TOX2: variants seen among roughly 807,000 people sequenced by gnomAD.
The protein encoded by TOX2 is granulosa cell HMG box 1.
Under a neutral mutation model 47.4 loss-of-function variants are expected in TOX2, and 15 were observed. The observed-to-expected ratio is 0.32, with a 90% CI of 0.21 to 0.49. The LOEUF (loss-of-function observed/expected upper bound fraction) is 0.49, where lower values mean the gene tolerates loss of function less well. TOX2 is among the 20% of genes least tolerant of loss of function. The pLI, the probability that TOX2 is intolerant of heterozygous loss-of-function variation, is 0.99. For synonymous variants in TOX2, 290 were observed against 296.6 expected, an observed-to-expected ratio of 0.98 and a Z score of 0.23; for missense variants, 622 against 673.1, an observed-to-expected ratio of 0.92 and a Z score of 0.84.
chr20:44,035,960 C>T (rs570108043), intron 3 of TOX2, among the ~76,000 whole-genome samples: 2 of 152,352 alleles, frequency 1.3e-5, no homozygotes, highest in South Asian at 2.1e-4. Flanking sequence ...TGCTAGGATG[C>T]GCCTTCTGAG....
intron 3 of TOX2, among the ~76,000 whole-genome samples, chr20:44,021,457 C>T (rs1399310250): frequency 6.6e-6 from 1 of 152,154 alleles, no homozygotes; most frequent in African/African-American, 2.4e-5. Context: ...TCCTCTTCTC[C>T]TTTGGGAGCC....
intron 2 of TOX2, among the ~76,000 whole-genome samples, chr20:44,000,672 T>A (rs138486897): frequency 2.0e-4 from 30 of 151,928 alleles, no homozygotes; most frequent in African/African-American, 7.0e-4. Flanking sequence ...GGAGTGAGTG[T>A]GTTTAGAGGA....
chr20:43,975,446 A>G (rs746202637), intron 2 of TOX2, among the ~76,000 whole-genome samples: 25 of 152,262 alleles, frequency 1.6e-4, no homozygotes, highest in Admixed American at 4.6e-4. Flanking sequence ...TGTTCAGTCA[A>G]TTTTATAGAT....
chr20:43,935,023 C>G (rs2069306671), intron 1 of TOX2, among the ~76,000 whole-genome samples: 1 of 152,138 alleles, frequency 6.6e-6, no homozygotes, highest in Admixed American at 6.5e-5. Flanking sequence ...AGCTGGGTGT[C>G]TGGCCACTGT....
chr20:44,009,013 T>C (rs1472580691), intron 3 of TOX2, among the ~76,000 whole-genome samples: 1 of 151,798 alleles, frequency 6.6e-6, no homozygotes. Context: ...TTTTGTCAGC[T>C]TGAGTCACAC....
intron 2 of TOX2, among the ~76,000 whole-genome samples, chr20:43,988,508 TG>T (rs150355401): frequency 1.8e-3 from 272 of 152,352 alleles, no homozygotes; most frequent in African/African-American, 6.0e-3. Context: ...TGCAGTGAAA[TG>T]GAGATAATAA....
intron 1 of TOX2, among the ~76,000 whole-genome samples, chr20:43,971,256 G>A (rs1026305334): frequency 6.6e-6 from 1 of 152,208 alleles, no homozygotes; most frequent in African/African-American, 2.4e-5. Flanking sequence ...ATCCCTGGGA[G>A]CCTCCATTTT....
In TOX2 at chr20:43,955,174, A is replaced by G. The variant is rs2069646366; in HGVS notation, c.100-18193A>G. ...TGTTGCCTGAGGCTCCACTGAAGCT[A>G]TGGCATAATTTGCAGAATTTGCACT... On this transcript the variant is annotated intron_variant, in intron 1 of 8. Transcript: ENST00000341197. 4 of 911,564 alleles carry G rather than the reference A, an allele frequency of 4.4e-6. No individual in the cohort carries two copies. In the African/African-American group the frequency reaches 5.4e-5, roughly 12 times the overall value. 56.5% of individuals were successfully genotyped at this position (911,564 alleles called of 1,614,324 possible).
intron 2 of TOX2, among the ~76,000 whole-genome samples, chr20:43,979,625 C>A (rs565192710): frequency 3.9e-5 from 6 of 152,220 alleles, no homozygotes; most frequent in African/African-American, 1.4e-4. Flanking sequence ...TATTTGCAAA[C>A]TACCTGATGA....
At chr20:43,986,207 C>T (rs1372961335) in intron 2 of TOX2, among the ~76,000 whole-genome samples, 1 of 151,892 alleles carries the variant, frequency 6.6e-6, no homozygotes, top group African/African-American at 2.4e-5. Flanking sequence ...CAATGGTTGG[C>T]AATTGCAACA....
intron 1 of TOX2, among the ~76,000 whole-genome samples, chr20:43,919,591 G>A (rs773021773): frequency 2.0e-5 from 3 of 152,124 alleles, no homozygotes; most frequent in African/African-American, 2.4e-5. Context: ...TGCCATGGTG[G>A]TTTGCTACAC....
At position 43,914,934 on chromosome 20, in the gene TOX2, C is replaced by T. The variant is rs1346625515; in HGVS notation, c.43C>T (p.Arg15Trp). The change falls in exon 1 of 9, where the codon CGG (arginine) becomes TGG (tryptophan). Residue 15 changes from arginine (R) to tryptophan (W), a missense_variant. This residue lies in a region of TOX2 where 307 missense variants were observed against 327.3 expected (regional missense o/e 0.94). Coordinates refer to ENST00000341197, the MANE Select transcript of TOX2 (RefSeq NM_001098797.2). This position sits in a 1 kb window ranked among gnomAD's most constrained non-coding sequence, Gnocchi z 4.5. ...CCCCTCGGCGCCCGCGGTGGGCGCG[C>T]GGCCCGGGGCCGAGCCGGCCGGCCT... is the stretch of plus-strand genomic sequence containing the variant. ...LYPSAPAVGA[R>W]PGAEPAGLAH... The T allele has an allele frequency of 8.4e-7, 1 of 1,194,354 alleles. No homozygotes were observed. The highest frequency in any genetic ancestry group is 1.0e-6 in the Non-Finnish European group (1 of 965,414). 74.0% of individuals were successfully genotyped at this position (1,194,354 alleles called of 1,614,324 possible).
intron 1 of TOX2, among the ~76,000 whole-genome samples, chr20:43,927,335 C>T (rs2069180267): frequency 2.0e-5 from 3 of 152,002 alleles, no homozygotes; most frequent in Non-Finnish European, 4.4e-5. Context: ...TAACCCTTTC[C>T]CCCATATTCA....
At position 43,915,650 on chromosome 20, in the gene TOX2, C is replaced by T. The variant is rs2069047480; in HGVS notation, c.99+660C>T. ...GGGACGGCCACACCTCGGTCATCCA[C>T]ACTCGCGCGTCGAGGTTTAACTTCT... On this transcript the variant is annotated intron_variant, in intron 1 of 8. Transcript: ENST00000341197. This position sits in a 1 kb window ranked among gnomAD's most constrained non-coding sequence, Gnocchi z 7.1. 6.6e-6 allele frequency among the ~76,000 whole-genome samples: 1 copy of T among 152,246 alleles called. No individual in the cohort carries two copies. Among genetic ancestry groups the T allele is most frequent in the African/African-American group, 2.4e-5 (1 of 41,472 alleles).
At chr20:43,978,986 T>C (rs945134313) in intron 2 of TOX2, among the ~76,000 whole-genome samples, 1 of 152,098 alleles carries the variant, frequency 6.6e-6, no homozygotes, top group Admixed American at 6.5e-5. Flanking sequence ...TAGTGGGTCT[T>C]GACAGTGATG....
chr20:44,023,284 G>A (rs1271557395), intron 3 of TOX2, among the ~76,000 whole-genome samples: 1 of 151,636 alleles, frequency 6.6e-6, no homozygotes, highest in South Asian at 2.1e-4. Flanking sequence ...CAAAAATTTA[G>A]CTGGATGTGG....
rs182573186 is a variant in TOX2, at chr20:44,034,438, A to G, written c.412-16868A>G. 2.6e-5 allele frequency among the ~76,000 whole-genome samples: 4 copies of G among 152,296 alleles called. No homozygotes were observed. In the East Asian group the frequency reaches 7.7e-4, roughly 29 times the overall value. On this transcript the variant is annotated intron_variant, in intron 3 of 8. Transcript: ENST00000341197. ...CAGGGTCTCAGACATAAGAATCCTC[A>G]GGGAATGTTTATGGAATGAATGAAT...
chr20:43,921,048 G>T (rs1377428183), intron 1 of TOX2, among the ~76,000 whole-genome samples: 2 of 152,226 alleles, frequency 1.3e-5, no homozygotes, highest in Non-Finnish European at 1.5e-5. Context: ...CATCTGTTTG[G>T]CTGTTGTCAT....
chr20:44,023,801 C>T (rs1216132337), intron 3 of TOX2, among the ~76,000 whole-genome samples: 1 of 152,276 alleles, frequency 6.6e-6, no homozygotes, highest in Non-Finnish European at 1.5e-5. Context: ...CCACACAGCT[C>T]TGCTTCTCAT....
Sources: allele counts gnomAD v4.1 joint callset (sites outside exome capture counted in the v4.1 genomes callset), GRCh38; gene constraint gnomAD v4.1.1; regional missense constraint gnomAD v4.1.1; non-coding constraint Gnocchi (gnomAD v3.1); transcripts MANE v1.5; gene names NCBI Gene and HGNC (gene_info 2026-07-23, HGNC 2026-07-21).